Variants in RGS22 observed in about 807,000 individuals in gnomAD.
RGS22 encodes regulator of G protein signaling 22, also known as regulator of G-protein signaling 22.
Under a neutral mutation model 172.9 loss-of-function variants are expected in RGS22, and 148 were observed. The observed-to-expected ratio is 0.86, with a 90% CI of 0.75 to 0.98. The LOEUF (loss-of-function observed/expected upper bound fraction) is 0.98. RGS22 is among the 50% of genes least tolerant of loss of function. The pLI is 0.00. For missense variants in RGS22, 1,347 were observed against 1,440.8 expected (o/e 0.93, Z 1.05); for synonymous variants, 458 against 480.2 (o/e 0.95, Z 0.60).
intron 24 of RGS22, 62 bp downstream of exon 24, chr8:99,965,273 C>T (rs1214499396): frequency 4.7e-6 from 5 of 1,062,376 alleles, no homozygotes; most frequent in African/African-American, 1.6e-5. Context: ...GACTGAGTTA[C>T]TGCATTCCAC....
At chr8:100,097,078 A>G (rs954921608) in intron 2 of RGS22, among the ~76,000 whole-genome samples, 1 of 152,230 alleles carries the variant, frequency 6.6e-6, no homozygotes, top group Non-Finnish European at 1.5e-5. Flanking sequence ...ATGAGGGGCA[A>G]TAATGCTGAG....
intron 23 of RGS22, among the ~76,000 whole-genome samples, chr8:99,976,563 G>A (rs1047869844): frequency 2.0e-5 from 3 of 152,048 alleles, no homozygotes; most frequent in African/African-American, 4.8e-5. Context: ...GGGTTTCACC[G>A]TGTTAGCCAG....
chr8:100,101,834 T>C (rs1466501473), intron 2 of RGS22, among the ~76,000 whole-genome samples: 1 of 147,018 alleles, frequency 6.8e-6, no homozygotes, highest in Non-Finnish European at 1.5e-5. Context: ...AAATACAATA[T>C]GAAAAAAAAG....
At chr8:99,966,120 A>G (rs1180604499) in intron 23 of RGS22, among the ~76,000 whole-genome samples, 4 of 152,252 alleles carry the variant, frequency 2.6e-5, no homozygotes, top group African/African-American at 4.8e-5. Context: ...TGTATCATAG[A>G]TAATTTAATT....
At chr8:100,061,793 C>T (rs1219881537) in intron 9 of RGS22, among the ~76,000 whole-genome samples, 1 of 152,166 alleles carries the variant, frequency 6.6e-6, no homozygotes, top group Non-Finnish European at 1.5e-5. Flanking sequence ...AATCCCATTA[C>T]TGGGTATATA....
At chr8:100,011,033 A>G (rs1462389351) in intron 14 of RGS22, among the ~76,000 whole-genome samples, 1 of 151,852 alleles carries the variant, frequency 6.6e-6, no homozygotes, top group African/African-American at 2.4e-5. Context: ...AGACGGCCCA[A>G]GCAGAAGCAA....
intron 14 of RGS22, among the ~76,000 whole-genome samples, chr8:100,020,731 T>C (rs137881745): frequency 1.3e-5 from 2 of 152,244 alleles, no homozygotes; most frequent in East Asian, 3.9e-4. Flanking sequence ...AACTTACAAT[T>C]AAAGAAATTA....
chr8:100,065,860 CA>C (rs1189429319), intron 7 of RGS22, among the ~76,000 whole-genome samples: 4 of 152,002 alleles, frequency 2.6e-5, no homozygotes, highest in African/African-American at 9.7e-5. Context: ...AGCACCAGGC[CA>C]GGCATTTTCT....
At chr8:99,995,656 G>A (rs1045802507) in intron 20 of RGS22, among the ~76,000 whole-genome samples, 3 of 152,224 alleles carry the variant, frequency 2.0e-5, no homozygotes, top group Non-Finnish European at 2.9e-5. Context: ...CTTTTACACC[G>A]TTGGTGAGAG....
chr8:99,970,347 T>A (rs1811202363), intron 23 of RGS22, among the ~76,000 whole-genome samples: 1 of 151,412 alleles, frequency 6.6e-6, no homozygotes, highest in African/African-American at 2.4e-5. Context: ...ACAAACAAAT[T>A]CAAAAGCTAG....
intron 6 of RGS22, among the ~76,000 whole-genome samples, chr8:100,069,821 C>T (rs1586197027): frequency 6.6e-6 from 1 of 151,814 alleles, no homozygotes; most frequent in African/African-American, 2.4e-5. Flanking sequence ...CACCTGACCT[C>T]GTGATCGACC....
chr8:100,064,108 G>T, intron 7 of RGS22, 65 bp from the exon 8 acceptor site: 1 of 1,212,968 alleles, frequency 8.2e-7, no homozygotes, highest in Non-Finnish European at 1.1e-6. Flanking sequence ...TTATTAAATA[G>T]ATGCTATAGA....
chr8:99,967,003 C>T (rs1810809104), intron 23 of RGS22, among the ~76,000 whole-genome samples: 1 of 152,186 alleles, frequency 6.6e-6, no homozygotes, highest in African/African-American at 2.4e-5. Flanking sequence ...AGGGTGATTT[C>T]TGCATTTTCT....
At chr8:100,001,928 T>G (rs1404387675) in intron 18 of RGS22, among the ~76,000 whole-genome samples, 1 of 152,218 alleles carries the variant, frequency 6.6e-6, no homozygotes, top group Non-Finnish European at 1.5e-5. Context: ...GCACTCAAAT[T>G]TATTGAATGA....
intron 14 of RGS22, among the ~76,000 whole-genome samples, chr8:100,034,599 G>T (rs181799769): frequency 6.6e-6 from 1 of 152,218 alleles, no homozygotes; most frequent in Non-Finnish European, 1.5e-5. Flanking sequence ...TTTCTTCACA[G>T]AATTGGAAAA....
At chr8:99,993,670 G>A (rs1185964005) in intron 20 of RGS22, among the ~76,000 whole-genome samples, 4 of 152,084 alleles carry the variant, frequency 2.6e-5, no homozygotes, top group East Asian at 1.9e-4. Flanking sequence ...ATTCACAGCC[G>A]AATTCTACCA....
intron 14 of RGS22, among the ~76,000 whole-genome samples, chr8:100,037,242 T>C (rs1428481875): frequency 6.6e-6 from 1 of 152,138 alleles, no homozygotes; most frequent in Non-Finnish European, 1.5e-5. Flanking sequence ...TGCAGTGAGC[T>C]ATGATCCCTC....
Position 100,093,629 on chromosome 8 carries a change from A to G in RGS22, c.55-120T>C, listed in dbSNP as rs367935224. On this transcript the variant is annotated intron_variant, in intron 2 of 27. Transcript: ENST00000360863. The stretch of plus-strand genomic sequence containing the variant: ...ATAGATCTTCAAATCTCTTTTAGTC[A>G]GTCAACAGTGAACCCTCACTATAAA... The G allele has an allele frequency of 1.5e-5, 10 of 664,416 alleles. No individual in the cohort carries two copies. In the East Asian group the frequency reaches 1.7e-4, roughly 11 times the overall value. The allele number at this position is 664,416 out of a possible 1,614,324, so 41.2% of individuals were successfully genotyped here. A position where few individuals can be genotyped will look rare whatever the true frequency, so the allele number is the denominator to read the frequency against.
intron 7 of RGS22, 61 bp from the exon 8 acceptor site, chr8:100,064,104 A>T (rs1810366568): frequency 8.0e-7 from 1 of 1,244,714 alleles, no homozygotes. Context: ...CTTATTATTA[A>T]ATAGATGCTA....
Sources: allele counts gnomAD v4.1 joint callset (sites outside exome capture counted in the v4.1 genomes callset), GRCh38; gene constraint gnomAD v4.1.1; transcripts MANE v1.5; gene names NCBI Gene and HGNC (gene_info 2026-07-23, HGNC 2026-07-21).